The following VOPP1 variants were observed in gnomAD, a reference collection of about 807,000 sequenced individuals.
The protein encoded by VOPP1 is WW domain binding protein VOPP1.
In VOPP1, 8 loss-of-function variants were observed where a neutral mutation model predicts 23.5. That is an observed-to-expected ratio of 0.34 (90% CI 0.20 to 0.61). VOPP1 has a LOEUF of 0.61. VOPP1 is among the 20% of genes least tolerant of loss of function. The probability of loss-of-function intolerance (pLI) is 0.78; values close to 1 mark genes in which losing one functional copy is unlikely to be tolerated. For missense variants in VOPP1, 174 were observed against 238.1 expected (o/e 0.73, Z 1.77); for synonymous variants, 83 against 97.3 (o/e 0.85, Z 0.86).
intron 1 of VOPP1, among the ~76,000 whole-genome samples, chr7:55,534,941 G>A (rs972536958): frequency 3.9e-5 from 6 of 152,244 alleles, no homozygotes; most frequent in African/African-American, 1.4e-4. Context: ...CCACAAAGGA[G>A]GCTGGCATCA....
Position 55,513,409 on chromosome 7 carries a change from C to T in VOPP1, c.113+7663G>A, listed in dbSNP as rs1270838749. 2.6e-5 allele frequency among the ~76,000 whole-genome samples: 4 copies of T among 152,214 alleles called. No homozygotes were observed. The East Asian group carries it at 5.8e-4, about 22-fold the overall frequency. On this transcript the variant is annotated intron_variant, in intron 2 of 4. Coordinates refer to ENST00000285279, the MANE Select transcript of VOPP1 (RefSeq NM_030796.5). ...AGCCATCCATTTTTTCCCTTCCATG[C>T]TCTCCTTTGAGCTTGGCAGTGTGTG...
At chr7:55,503,831 C>T (rs941684579) in intron 2 of VOPP1, among the ~76,000 whole-genome samples, 1 of 152,242 alleles carries the variant, frequency 6.6e-6, no homozygotes, top group Non-Finnish European at 1.5e-5. Context: ...TGGTCTTGGA[C>T]TTCCAGCCTC....
chr7:55,520,255 G>C (rs1795752997), intron 2 of VOPP1, among the ~76,000 whole-genome samples: 1 of 152,126 alleles, frequency 6.6e-6, no homozygotes, highest in Admixed American at 6.5e-5. Flanking sequence ...TAGTGTTTCT[G>C]CTAGACTACA....
At chr7:55,516,737 T>C (rs1378204854) in intron 2 of VOPP1, among the ~76,000 whole-genome samples, 1 of 152,002 alleles carries the variant, frequency 6.6e-6, no homozygotes, top group East Asian at 1.9e-4. Context: ...TTGTTTGAAA[T>C]ATATTTTCTG....
intron 4 of VOPP1, among the ~76,000 whole-genome samples, chr7:55,477,663 G>T (rs913016130): frequency 2.0e-5 from 3 of 152,226 alleles, no homozygotes; most frequent in Non-Finnish European, 4.4e-5. Context: ...GTATCTTCGT[G>T]TTCATAGACA....
At chr7:55,559,288 C>T (rs1797907362) in intron 1 of VOPP1, among the ~76,000 whole-genome samples, 1 of 152,194 alleles carries the variant, frequency 6.6e-6, no homozygotes, top group Non-Finnish European at 1.5e-5. Context: ...ATCACTAGGT[C>T]ATGCTGACAC....
At chr7:55,490,567 C>CT (rs1208045753) in intron 4 of VOPP1, among the ~76,000 whole-genome samples, 4 of 152,198 alleles carry the variant, frequency 2.6e-5, no homozygotes, top group Non-Finnish European at 2.9e-5. Context: ...GCCTTCTGCA[C>CT]TGGGGGCAGT....
chr7:55,505,804 G>A (rs531191869), intron 2 of VOPP1, among the ~76,000 whole-genome samples: 27 of 152,166 alleles, frequency 1.8e-4, no homozygotes, highest in African/African-American at 6.3e-4. Flanking sequence ...TTCCATTAGA[G>A]ACATTTCTTC....
intron 4 of VOPP1, among the ~76,000 whole-genome samples, chr7:55,450,145 G>C (rs577589033): frequency 3.9e-5 from 6 of 152,318 alleles, no homozygotes; most frequent in African/African-American, 1.4e-4. Flanking sequence ...AGGGACCCCT[G>C]AGCTTCCCCT....
rs1285212081 is a variant in VOPP1 at position 55,497,750 on chromosome 7, TGCGGCCCAGG to T, written c.114-70_114-61del. Reference sequence around the variant, plus strand: ...TTGGAAGCAGCCACCGGACCAGCCATGCGGCCCAGGCTGGGCTTCAATGTAATCATTCTTG... The same window carrying T: ...TTGGAAGCAGCCACCGGACCAGCCATCTGGGCTTCAATGTAATCATTCTTG... On this transcript the variant is annotated intron_variant, in intron 2 of 4. Coordinates refer to ENST00000285279, the MANE Select transcript of VOPP1 (RefSeq NM_030796.5). 2.0e-6 allele frequency: 3 copies of T among 1,482,522 alleles called. No individual in the cohort carries two copies. In the East Asian group the frequency reaches 6.8e-5, roughly 34 times the overall value. 91.8% of individuals were successfully genotyped at this position (1,482,522 alleles called of 1,614,324 possible).
Position 55,477,690 on chromosome 7 carries a change from C to T in VOPP1, c.329-4645G>A, listed in dbSNP as rs149737064. Reference sequence around the variant, plus strand: ...TCATAGACACAGTGATGGATCCTACCAGGAACTGGTGGGACGGGATTGAAA... The same window carrying T: ...TCATAGACACAGTGATGGATCCTACTAGGAACTGGTGGGACGGGATTGAAA... On this transcript the variant is annotated intron_variant, in intron 4 of 4. Transcript: ENST00000285279. 3.0e-3 allele frequency among the ~76,000 whole-genome samples: 453 copies of T among 152,304 alleles called. 4 individuals are homozygous for T. The highest frequency in any genetic ancestry group is 0.01 in the African/African-American group (429 of 41,560).
At chr7:55,440,506 G>A (rs919415534) in intron 4 of VOPP1, among the ~76,000 whole-genome samples, 2 of 152,210 alleles carry the variant, frequency 1.3e-5, no homozygotes, top group African/African-American at 4.8e-5. Context: ...TGGGATCTGG[G>A]GCCACGCTTC....
At chr7:55,476,559 C>T (rs1300701792) in intron 4 of VOPP1, among the ~76,000 whole-genome samples, 2 of 152,274 alleles carry the variant, frequency 1.3e-5, no homozygotes, top group African/African-American at 4.8e-5. Flanking sequence ...CCAGGAGGGA[C>T]AGAGGCCAGG....
chr7:55,556,560 T>A (rs979143253), intron 1 of VOPP1, among the ~76,000 whole-genome samples: 10 of 152,092 alleles, frequency 6.6e-5, no homozygotes, highest in Non-Finnish European at 1.5e-4. Flanking sequence ...GCTATGATTA[T>A]ATAAACTTCA....
intron 1 of VOPP1, among the ~76,000 whole-genome samples, chr7:55,531,912 C>T (rs1365008811): frequency 6.6e-6 from 1 of 152,234 alleles, no homozygotes; most frequent in East Asian, 1.9e-4. Flanking sequence ...TCAACCACCA[C>T]ACTTAAGAGA....
At chr7:55,497,968 G>A (rs536555377) in intron 2 of VOPP1, among the ~76,000 whole-genome samples, 6 of 152,332 alleles carry the variant, frequency 3.9e-5, no homozygotes, top group South Asian at 4.1e-4. Flanking sequence ...GATTCCTTCC[G>A]GGAGGTGGCA....
intron 1 of VOPP1, among the ~76,000 whole-genome samples, chr7:55,528,897 A>G (rs1054351896): frequency 2.0e-5 from 3 of 152,236 alleles, no homozygotes; most frequent in African/African-American, 7.2e-5. Flanking sequence ...TTAATTTAAG[A>G]CACATTATAT....
At chr7:55,532,474 C>A (rs183841504) in intron 1 of VOPP1, among the ~76,000 whole-genome samples, 2 of 152,348 alleles carry the variant, frequency 1.3e-5, no homozygotes, top group Admixed American at 1.3e-4. Context: ...TCTTGAGAAT[C>A]ATGGTCAAGT....
At chr7:55,524,761 C>G (rs1584026750) in intron 1 of VOPP1, among the ~76,000 whole-genome samples, 1 of 152,026 alleles carries the variant, frequency 6.6e-6, no homozygotes, top group African/African-American at 2.4e-5. Context: ...GAATGGAGAC[C>G]AGGAGGTGGA....
Sources: allele counts gnomAD v4.1 joint callset (sites outside exome capture counted in the v4.1 genomes callset), GRCh38; gene constraint gnomAD v4.1.1; transcripts MANE v1.5; gene names NCBI Gene and HGNC (gene_info 2026-07-23, HGNC 2026-07-21).